TAOK1: variants seen among roughly 807,000 people sequenced by gnomAD.
TAOK1 encodes serine/threonine-protein kinase TAO1.
TAOK1 carries 21 observed loss-of-function variants against 138.3 expected under a neutral mutation model. That is an observed-to-expected ratio of 0.15 (90% CI 0.11 to 0.22). TAOK1 has a LOEUF of 0.22. TAOK1 is among the 10% of genes least tolerant of loss of function. The probability of loss-of-function intolerance (pLI) is 1.00; values close to 1 mark genes in which losing one functional copy is unlikely to be tolerated. For synonymous variants in TAOK1, 361 were observed against 398.4 expected (o/e 0.91, Z 1.12); for missense variants, 651 against 1,227.7 (o/e 0.53, Z 7.02).
chr17:29,535,518 C>G (rs540872827), intron 19 of TAOK1, among the ~76,000 whole-genome samples: 4 of 151,966 alleles, frequency 2.6e-5, no homozygotes, highest in Non-Finnish European at 4.4e-5. Context: ...CCTCTATTTC[C>G]TATAGTTCCT....
intron 1 of TAOK1, among the ~76,000 whole-genome samples, chr17:29,435,441 A>T (rs558983227): frequency 6.6e-6 from 1 of 152,218 alleles, no homozygotes; most frequent in African/African-American, 2.4e-5. Flanking sequence ...AAGAATAATT[A>T]TGTCTACATA....
chr17:29,449,496 T>A (rs1476629596), intron 1 of TAOK1, among the ~76,000 whole-genome samples: 3 of 152,210 alleles, frequency 2.0e-5, no homozygotes, highest in Non-Finnish European at 4.4e-5. Context: ...GAATTAAAAT[T>A]GCTTGTTACT....
intron 1 of TAOK1, among the ~76,000 whole-genome samples, chr17:29,408,817 A>G (rs893217487): frequency 6.6e-6 from 1 of 151,846 alleles, no homozygotes; most frequent in African/African-American, 2.4e-5. Flanking sequence ...GGTTCAAGCA[A>G]TTCTCCTGCC....
chr17:29,528,832 T>C (rs1317703037), intron 17 of TAOK1, among the ~76,000 whole-genome samples: 2 of 80,232 alleles, frequency 2.5e-5, no homozygotes, highest in African/African-American at 1.1e-4. Flanking sequence ...AGAATGAGAC[T>C]CCGTCTCAAA....
chr17:29,542,964 G>T lies in TAOK1; in HGVS notation c.2948G>T (p.Ser983Ile), dbSNP rs754264657. The T allele has an allele frequency of 1.2e-6, 2 of 1,611,704 alleles. No individual in the cohort carries two copies. The highest frequency in any genetic ancestry group is 1.7e-6 in the Non-Finnish European group (2 of 1,178,748). The change falls in exon 20 of 20, where the codon AGC (serine) becomes ATC (isoleucine). Residue 983 changes from serine (S) to isoleucine (I), a missense_variant. Coordinates refer to ENST00000261716, the MANE Select transcript of TAOK1 (RefSeq NM_020791.4). ...GGGGGACGGACGGAGCAGGGCATGA[G>T]CAGAAGCACGAGTGTCACTTCACAA... ...ASGGRTEQGMSRSTSVTSQIS... is the reference protein window; with the variant it reads ...ASGGRTEQGMIRSTSVTSQIS...
intron 3 of TAOK1, among the ~76,000 whole-genome samples, chr17:29,472,255 TG>T (rs1402356638): frequency 1.0e-5 from 1 of 98,514 alleles, no homozygotes. Flanking sequence ...AGCCGTTGTG[TG>T]TTTTTTTTTT....
At chr17:29,536,470 G>A (rs903408139) in intron 19 of TAOK1, among the ~76,000 whole-genome samples, 1 of 150,306 alleles carries the variant, frequency 6.7e-6, no homozygotes, top group Non-Finnish European at 1.5e-5. Context: ...CATGATGGCG[G>A]GTGCCTATAG....
At chr17:29,534,360 A>G (rs2032186539) in intron 19 of TAOK1, 60 bp downstream of exon 19, 2 of 1,384,516 alleles carry the variant, frequency 1.4e-6, no homozygotes, top group South Asian at 3.7e-5. Flanking sequence ...GAAGCGTTTT[A>G]TAAATATATT....
intron 2 of TAOK1, among the ~76,000 whole-genome samples, chr17:29,458,110 GA>G (rs59723374): frequency 7.4e-5 from 11 of 148,640 alleles, no homozygotes; most frequent in Middle Eastern, 3.5e-3. Flanking sequence ...ACTCCATCTT[GA>G]AAAAAAAAAA....
intron 2 of TAOK1, among the ~76,000 whole-genome samples, chr17:29,457,646 TC>T (rs2030422270): frequency 6.6e-6 from 1 of 151,246 alleles, no homozygotes; most frequent in African/African-American, 2.4e-5. Context: ...CCTCAAGCGA[TC>T]CACCCATCTC....
intron 3 of TAOK1, among the ~76,000 whole-genome samples, chr17:29,471,378 C>A (rs2153026066): frequency 7.4e-6 from 1 of 134,402 alleles, no homozygotes; most frequent in Admixed American, 8.5e-5. Context: ...CTCCCGGGTT[C>A]AAGTGATTCT....
intron 18 of TAOK1, 97 bp downstream of exon 18, chr17:29,530,716 T>C (rs2032086516): frequency 2.0e-6 from 2 of 1,009,576 alleles, no homozygotes; most frequent in Non-Finnish European, 3.1e-6. Flanking sequence ...TTGGAAATGA[T>C]AGCTCTCCTG....
chr17:29,482,433 G>T, intron 8 of TAOK1, 145 bp downstream of exon 8: 2 of 660,090 alleles, frequency 3.0e-6, no homozygotes, highest in Non-Finnish European at 5.1e-6. Flanking sequence ...TTTCACTTTG[G>T]TTATTTGGTA....
chr17:29,452,083 G>A (rs2030253090), intron 2 of TAOK1, among the ~76,000 whole-genome samples: 1 of 152,016 alleles, frequency 6.6e-6, no homozygotes, highest in Non-Finnish European at 1.5e-5. Flanking sequence ...CGGTGTGGTG[G>A]TGCACACCTG....
At chr17:29,436,446 C>A (rs778461189) in intron 1 of TAOK1, among the ~76,000 whole-genome samples, 93 of 152,186 alleles carry the variant, frequency 6.1e-4, no homozygotes, top group Non-Finnish European at 1.1e-3. Flanking sequence ...TTCAGCTCTT[C>A]ATGAGTCCTG....
chr17:29,523,022 T>A (rs1321981095), intron 17 of TAOK1, among the ~76,000 whole-genome samples: 1 of 140,960 alleles, frequency 7.1e-6, no homozygotes, highest in Non-Finnish European at 1.5e-5. Flanking sequence ...TTGCAGTGAG[T>A]CAAGAACACA....
Position 29,550,751 on chromosome 17 carries a change from A to G in TAOK1, c.*7729A>G, listed in dbSNP as rs1232977259. On this transcript the variant is annotated 3_prime_UTR_variant, in exon 20 of 20. Transcript: ENST00000261716. ...CAAACATATTTATGTTTTTAGTTTTATGTACTCATTTCCCTTTGTTTTCCT... is the reference window on the plus strand; with the variant it reads ...CAAACATATTTATGTTTTTAGTTTTGTGTACTCATTTCCCTTTGTTTTCCT... 1 of 152,240 alleles carries G rather than the reference A, an allele frequency of 6.6e-6. No homozygotes were observed. Among genetic ancestry groups the G allele is most frequent in the Non-Finnish European group, 1.5e-5 (1 of 68,000 alleles). The allele number at this position is 152,240 out of a possible 1,614,324, so 9.4% of individuals were successfully genotyped here.
At chr17:29,403,821 CA>C (rs1904918565) in intron 1 of TAOK1, 1 of 152,204 alleles carries the variant, frequency 6.6e-6, no homozygotes, top group Admixed American at 6.6e-5. Context: ...CCTCATACGT[CA>C]GCCTCCCAAA....
At chr17:29,492,706 C>A (rs771190368) in intron 10 of TAOK1, among the ~76,000 whole-genome samples, 1 of 152,120 alleles carries the variant, frequency 6.6e-6, no homozygotes, top group African/African-American at 2.4e-5. Context: ...GCAGGAGAAT[C>A]GCTTGAACCT....
Sources: allele counts gnomAD v4.1 joint callset (sites outside exome capture counted in the v4.1 genomes callset), GRCh38; gene constraint gnomAD v4.1.1; transcripts MANE v1.5; gene names NCBI Gene and HGNC (gene_info 2026-07-23, HGNC 2026-07-21).